Variants in NF2 observed in about 807,000 individuals in gnomAD.
NF2 encodes NF2, moesin-ezrin-radixin like (MERLIN) tumor suppressor.
Under a neutral mutation model 83.7 loss-of-function variants are expected in NF2, and 8 were observed. The ratio of observed to expected loss-of-function variants is 0.10; its 90% CI spans 0.06 to 0.17. The LOEUF is 0.17. Among genes scored for constraint, NF2 ranks in the 10% least tolerant of loss-of-function variants. The pLI, the probability that NF2 is intolerant of heterozygous loss-of-function variation, is 1.00. For missense variants in NF2, 533 were observed against 744.4 expected (o/e 0.72, Z 3.31); for synonymous variants, 266 against 269.6 (o/e 0.99, Z 0.13).
intron 6 of NF2, 49 bp from the exon 7 acceptor site, chr22:29,658,140 C>T (rs1232918586): frequency 1.3e-6 from 2 of 1,565,682 alleles, no homozygotes; most frequent in Non-Finnish European, 1.8e-6. Context: ...ACCCGCTCTC[C>T]ACCCATCTCA....
chr22:29,672,334 C>T (rs986448099), intron 11 of NF2, among the ~76,000 whole-genome samples: 12 of 128,066 alleles, frequency 9.4e-5, no homozygotes, highest in South Asian at 2.5e-4. Context: ...TTTTTTGAGA[C>T]GGAGTCTCGC....
intron 4 of NF2, among the ~76,000 whole-genome samples, chr22:29,644,670 G>T (rs1293704500): frequency 6.6e-6 from 1 of 152,240 alleles, no homozygotes; most frequent in East Asian, 1.9e-4. Context: ...TGCAATCCCG[G>T]CACCTCGGGA....
At chr22:29,641,661 T>C (rs1019508606) in intron 3 of NF2, among the ~76,000 whole-genome samples, 3 of 152,202 alleles carry the variant, frequency 2.0e-5, no homozygotes, top group African/African-American at 7.2e-5. Context: ...GGCTTAAGAA[T>C]TATATTTCCT....
At chr22:29,619,603 G>A (rs376249446) in intron 1 of NF2, among the ~76,000 whole-genome samples, 3 of 151,482 alleles carry the variant, frequency 2.0e-5, no homozygotes, top group East Asian at 3.9e-4. Context: ...TACCATGTTG[G>A]TCAGGCTGGT....
At chr22:29,665,202 T>C in intron 9 of NF2, 138 bp downstream of exon 9, 2 of 743,158 alleles carry the variant, frequency 2.7e-6, no homozygotes, top group Non-Finnish European at 4.6e-6. Context: ...TCTGTTTAGC[T>C]TAAAGAGTTA....
intron 1 of NF2, among the ~76,000 whole-genome samples, chr22:29,614,143 C>T (rs551881746): frequency 7.9e-5 from 12 of 151,606 alleles, no homozygotes; most frequent in African/African-American, 1.7e-4. Flanking sequence ...CCTCACACTA[C>T]ATACAAAAAT....
chr22:29,675,590 C>T (rs2066938831), intron 13 of NF2, among the ~76,000 whole-genome samples: 1 of 151,934 alleles, frequency 6.6e-6, no homozygotes, highest in Non-Finnish European at 1.5e-5. Context: ...AGGACACAGC[C>T]CACCCTGGAG....
At chr22:29,680,853 TAAA>T (rs34045954) in intron 14 of NF2, among the ~76,000 whole-genome samples, 1 of 145,122 alleles carries the variant, frequency 6.9e-6, no homozygotes, top group Non-Finnish European at 1.5e-5. Context: ...CAAGATCCTA[TAAA>T]AAAAAAAAAG....
chr22:29,693,590 C>T (rs553710099), intron 15 of NF2, among the ~76,000 whole-genome samples: 33 of 152,318 alleles, frequency 2.2e-4, no homozygotes, highest in Middle Eastern at 6.8e-3. Context: ...TGCCCCATGG[C>T]AACCTCCAGA....
rs2146850130 is a variant in NF2, at chr22:29,636,681, G to C, written c.115-70G>C. ...CCACGTTTTGGAACCTGAGAGTGGA[G>C]AGTGCAGAGAAAAGGTTTTATTAAT... On this transcript the variant is annotated intron_variant, in intron 1 of 15. Transcript: ENST00000338641. This position sits in a 1 kb window ranked among gnomAD's most constrained non-coding sequence, Gnocchi z 4.4. 1 of 1,603,440 alleles carries C rather than the reference G, an allele frequency of 6.2e-7. No individual in the cohort carries two copies. Among genetic ancestry groups the C allele is most frequent in the South Asian group, 1.1e-5 (1 of 90,784 alleles).
At chr22:29,630,819 G>A (rs2065490108) in intron 1 of NF2, among the ~76,000 whole-genome samples, 1 of 152,200 alleles carries the variant, frequency 6.6e-6, no homozygotes, top group Non-Finnish European at 1.5e-5. Flanking sequence ...GGTTAAATGA[G>A]CATTTAATCA....
chr22:29,663,922 T>C (rs2066544745), intron 8 of NF2, among the ~76,000 whole-genome samples: 1 of 152,222 alleles, frequency 6.6e-6, no homozygotes, highest in African/African-American at 2.4e-5. Context: ...CCCTAGGTTC[T>C]CCTACCAAGC....
intron 15 of NF2, among the ~76,000 whole-genome samples, chr22:29,690,556 G>A (rs1169223367): frequency 6.6e-6 from 1 of 152,184 alleles, no homozygotes; most frequent in Non-Finnish European, 1.5e-5. Context: ...TGGATCAGAG[G>A]GGGGATGTGA....
intron 1 of NF2, among the ~76,000 whole-genome samples, chr22:29,619,436 G>T (rs2065157855): frequency 6.6e-6 from 1 of 151,526 alleles, no homozygotes; most frequent in South Asian, 2.1e-4. Context: ...TCGCTCTGTT[G>T]CCCAGGCTGG....
chr22:29,606,894 A>G (rs2064813009), intron 1 of NF2, among the ~76,000 whole-genome samples: 1 of 152,106 alleles, frequency 6.6e-6, no homozygotes, highest in Non-Finnish European at 1.5e-5. Flanking sequence ...AAAATACAAA[A>G]ATTAGCTGGG....
intron 1 of NF2, among the ~76,000 whole-genome samples, chr22:29,618,426 T>TGCTA (rs1234241936): frequency 6.6e-6 from 1 of 151,906 alleles, no homozygotes; most frequent in Admixed American, 6.6e-5. Context: ...TGTTACCTTA[T>TGCTA]GCTAATAAGT....
rs2066794874 is a variant in NF2 at position 29,671,746 on chromosome 22, A to C, written c.1000-80A>C. 7 of 1,602,390 alleles carry C rather than the reference A, an allele frequency of 4.4e-6. No homozygotes were observed. In the East Asian group the frequency reaches 1.6e-4, roughly 36 times the overall value. ...AAGGTCCCAAAAGGGGAGACTGGAG[A>C]TGGGGCATCTTTGGGCCCTTGTGGC... On this transcript the variant is annotated intron_variant, in intron 10 of 15. Transcript: ENST00000338641.
At chr22:29,630,705 C>T (rs1337758885) in intron 1 of NF2, among the ~76,000 whole-genome samples, 1 of 152,198 alleles carries the variant, frequency 6.6e-6, no homozygotes, top group Non-Finnish European at 1.5e-5. Flanking sequence ...GCAAAATGAG[C>T]ATCTGCCTCT....
chr22:29,668,700 TA>T (rs754615190), intron 10 of NF2, among the ~76,000 whole-genome samples: 2 of 152,244 alleles, frequency 1.3e-5, no homozygotes, highest in African/African-American at 4.8e-5. Flanking sequence ...TAAGTGTGAT[TA>T]ACACCAGTTT....
Sources: allele counts gnomAD v4.1 joint callset (sites outside exome capture counted in the v4.1 genomes callset), GRCh38; gene constraint gnomAD v4.1.1; non-coding constraint Gnocchi (gnomAD v3.1); transcripts MANE v1.5; gene names NCBI Gene and HGNC (gene_info 2026-07-23, HGNC 2026-07-21).